The following MAML3 variants were observed in gnomAD, a reference collection of about 807,000 sequenced individuals.
The protein encoded by MAML3 is mastermind-like protein 3.
In MAML3, 27 loss-of-function variants were observed where a neutral mutation model predicts 101.9. The observed-to-expected ratio is 0.27, with a 90% CI of 0.20 to 0.37. MAML3 has a LOEUF of 0.37. Among genes scored for constraint, MAML3 ranks in the 10% least tolerant of loss-of-function variants. The pLI, the probability that MAML3 is intolerant of heterozygous loss-of-function variation, is 1.00. For missense variants in MAML3, 1,316 were observed against 1,444.9 expected, an observed-to-expected ratio of 0.91 and a Z score of 1.45; for synonymous variants, 501 against 555.9, an observed-to-expected ratio of 0.90 and a Z score of 1.39.
intron 2 of MAML3, among the ~76,000 whole-genome samples, chr4:139,758,533 T>A (rs1463322968): frequency 2.6e-5 from 4 of 152,192 alleles, no homozygotes; most frequent in African/African-American, 9.7e-5. Context: ...GAAACCTCGA[T>A]TTGTATGACC....
chr4:140,122,083 T>A (rs963656727), intron 1 of MAML3, among the ~76,000 whole-genome samples: 2 of 152,108 alleles, frequency 1.3e-5, no homozygotes, highest in Admixed American at 6.5e-5. Flanking sequence ...GAACTGCGAG[T>A]CGATTAAATC....
intron 2 of MAML3, among the ~76,000 whole-genome samples, chr4:139,793,753 C>T (rs1647358338): frequency 6.6e-6 from 1 of 152,132 alleles, no homozygotes; most frequent in South Asian, 2.1e-4. Context: ...ATCTTTAGCT[C>T]CAGAGGGTAT....
intron 1 of MAML3, among the ~76,000 whole-genome samples, chr4:140,081,130 T>A (rs1391877607): frequency 6.6e-6 from 1 of 152,218 alleles, no homozygotes; most frequent in Non-Finnish European, 1.5e-5. Context: ...ACATCACTTT[T>A]TATCTGCTAA....
chr4:140,041,569 C>T lies in MAML3; in HGVS notation c.468+111291G>A, dbSNP rs560376514. 6.6e-5 allele frequency among the ~76,000 whole-genome samples: 10 copies of T among 152,050 alleles called. No homozygotes were observed. In the South Asian group the frequency reaches 1.7e-3, roughly 25 times the overall value. On this transcript the variant is annotated intron_variant, in intron 1 of 4. Coordinates refer to ENST00000509479, the MANE Select transcript of MAML3 (RefSeq NM_018717.5). ...CTGGGAGGCAGAGGTTGCAGTGAGCCGAGATCACGCCACTGCACTCCAGCC... is the reference window on the plus strand; with the variant it reads ...CTGGGAGGCAGAGGTTGCAGTGAGCTGAGATCACGCCACTGCACTCCAGCC...
At chr4:139,904,518 G>T (rs1051782280) in intron 1 of MAML3, among the ~76,000 whole-genome samples, 5 of 152,178 alleles carry the variant, frequency 3.3e-5, no homozygotes, top group African/African-American at 4.8e-5. Context: ...AGGCATAGGC[G>T]ACCACGCTGT....
At chr4:139,938,227 A>G (rs1267972038) in intron 1 of MAML3, among the ~76,000 whole-genome samples, 1 of 152,194 alleles carries the variant, frequency 6.6e-6, no homozygotes, top group Non-Finnish European at 1.5e-5. Context: ...GATCAATACT[A>G]AGGACTGGGA....
intron 2 of MAML3, among the ~76,000 whole-genome samples, chr4:139,839,981 T>C (rs1221469665): frequency 6.6e-6 from 1 of 152,080 alleles, no homozygotes; most frequent in African/African-American, 2.4e-5. Flanking sequence ...AATTATTCTG[T>C]GTGAATTCAA....
chr4:139,760,188 T>C (rs1005471351), intron 2 of MAML3, among the ~76,000 whole-genome samples: 2 of 152,232 alleles, frequency 1.3e-5, no homozygotes, highest in Non-Finnish European at 2.9e-5. Context: ...CTGTCACTGA[T>C]GTAGATGAAG....
At chr4:139,784,064 C>T (rs1405519605) in intron 2 of MAML3, among the ~76,000 whole-genome samples, 4 of 152,250 alleles carry the variant, frequency 2.6e-5, no homozygotes, top group South Asian at 2.1e-4. Flanking sequence ...CCTGAGCATC[C>T]GCACACAACA....
chr4:139,926,468 C>T (rs1006195258), intron 1 of MAML3, among the ~76,000 whole-genome samples: 6 of 152,072 alleles, frequency 3.9e-5, no homozygotes, highest in East Asian at 1.9e-4. Context: ...GGCATGGTGG[C>T]GGGAGCCTGT....
intron 2 of MAML3, among the ~76,000 whole-genome samples, chr4:139,868,964 C>T (rs914298623): frequency 6.6e-6 from 1 of 152,192 alleles, no homozygotes; most frequent in African/African-American, 2.4e-5. Context: ...AAATTTCTTT[C>T]TCAATTTTAT....
chr4:139,776,796 G>T (rs1270575446), intron 2 of MAML3, among the ~76,000 whole-genome samples: 1 of 152,182 alleles, frequency 6.6e-6, no homozygotes, highest in Non-Finnish European at 1.5e-5. Flanking sequence ...GACATGTAAA[G>T]GCCAGGAAGC....
At chr4:139,892,115 G>A (rs529578153) in intron 1 of MAML3, among the ~76,000 whole-genome samples, 1 of 152,156 alleles carries the variant, frequency 6.6e-6, no homozygotes, top group Non-Finnish European at 1.5e-5. Context: ...AACTGGGCTG[G>A]GTACATTGTT....
intron 1 of MAML3, among the ~76,000 whole-genome samples, chr4:140,029,116 T>C (rs1402913852): frequency 6.6e-6 from 1 of 152,184 alleles, no homozygotes; most frequent in East Asian, 1.9e-4. Context: ...CAGGTACACC[T>C]GCTCTCAGCC....
At chr4:139,840,795 C>T (rs1731347854) in intron 2 of MAML3, among the ~76,000 whole-genome samples, 1 of 152,192 alleles carries the variant, frequency 6.6e-6, no homozygotes. Context: ...CTCTCTCTGC[C>T]ATGGTGGCCA....
At chr4:139,857,935 A>C (rs1369938855) in intron 2 of MAML3, among the ~76,000 whole-genome samples, 4 of 152,160 alleles carry the variant, frequency 2.6e-5, no homozygotes, top group African/African-American at 9.7e-5. Flanking sequence ...TGTGGCATTC[A>C]ATGGACATAT....
chr4:139,893,383 A>G (rs1732542734), intron 1 of MAML3, among the ~76,000 whole-genome samples: 1 of 152,134 alleles, frequency 6.6e-6, no homozygotes, highest in South Asian at 2.1e-4. Flanking sequence ...AGGTCTTTCC[A>G]AGCAGTCTGT....
intron 2 of MAML3, among the ~76,000 whole-genome samples, chr4:139,828,712 C>CT (rs996757226): frequency 0.037 from 4,743 of 128,676 alleles, 94 homozygotes; most frequent in Non-Finnish European, 0.041. Context: ...AGATGCACTT[C>CT]TTTTTTTTTT....
At chr4:139,846,780 C>T (rs73854388) in intron 2 of MAML3, among the ~76,000 whole-genome samples, 12,025 of 152,232 alleles carry the variant, frequency 0.079, 1,007 homozygotes, top group African/African-American at 0.21. Flanking sequence ...CAGTATACTT[C>T]AAATACCTAT....
Sources: allele counts gnomAD v4.1 joint callset (sites outside exome capture counted in the v4.1 genomes callset), GRCh38; gene constraint gnomAD v4.1.1; transcripts MANE v1.5; gene names NCBI Gene and HGNC (gene_info 2026-07-23, HGNC 2026-07-21).